Variants in COPB1 observed in about 807,000 individuals in gnomAD.
COPB1 encodes the protein coat protein complex I subunit beta 1.
COPB1 carries 21 observed loss-of-function variants against 108.7 expected under a neutral mutation model. The observed-to-expected ratio is 0.19, with a 90% confidence interval of 0.14 to 0.28. COPB1 has a LOEUF of 0.28. Among genes scored for constraint, COPB1 ranks in the 10% least tolerant of loss-of-function variants. COPB1 has a pLI of 1.00. For missense variants in COPB1, 919 were observed against 1,141.3 expected, an observed-to-expected ratio of 0.81 and a Z score of 2.81; for synonymous variants, 378 against 386.8, an observed-to-expected ratio of 0.98 and a Z score of 0.27.
intron 20 of COPB1, 76 bp from the exon 21 acceptor site, chr11:14,458,763 C>CTTTT (rs34021860): frequency 1.8e-5 from 14 of 796,116 alleles, no homozygotes; most frequent in African/African-American, 4.1e-5. Context: ...GCATAGGTGA[C>CTTTT]TTTTTTTTTT....
Position 14,473,840 on chromosome 11 carries a change from TA to T in COPB1, c.1737+654del, listed in dbSNP as rs60686212. ...GGGTTCCCACAAACCTTCATTTGTTTAAAAAAAAAAAAAAAAGCAATATGTG... is the reference window on the plus strand; with the variant it reads ...GGGTTCCCACAAACCTTCATTTGTTTAAAAAAAAAAAAAAAGCAATATGTG... On this transcript the variant is annotated intron_variant, in intron 14 of 21. Transcript: ENST00000439561. 7.8e-3 allele frequency among the ~76,000 whole-genome samples: 1,086 copies of T among 138,366 alleles called. 4 individuals are homozygous for T. Among genetic ancestry groups the T allele is most frequent in the African/African-American group, 0.018 (649 of 36,814 alleles). 90.8% of individuals were successfully genotyped at this position (138,366 alleles called of 152,430 possible).
chr11:14,476,904 T>G lies in COPB1; in HGVS notation c.1455+15A>C, dbSNP rs527872533. On this transcript the variant is annotated intron_variant, in intron 12 of 21. Transcript: ENST00000439561. ...AATTACCATATAAACTAACATTTAC[T>G]AAAGTAAAACATACCTCTCCAAGGG... 6.5e-7 allele frequency: 1 copy of G among 1,533,964 alleles called. No individual in the cohort carries two copies. Among genetic ancestry groups the G allele is most frequent in the East Asian group, 2.3e-5 (1 of 44,352 alleles).
intron 13 of COPB1, 56 bp downstream of exon 13, chr11:14,475,729 T>C: frequency 7.1e-7 from 1 of 1,417,328 alleles, no homozygotes; most frequent in Non-Finnish European, 9.3e-7. Context: ...CTGTCTTACA[T>C]ACAAGAGTAA....
chr11:14,493,403 A>G (rs1255265309), intron 4 of COPB1, among the ~76,000 whole-genome samples: 2 of 152,236 alleles, frequency 1.3e-5, no homozygotes, highest in African/African-American at 4.8e-5. Context: ...TGTAAAGTAT[A>G]TAACTTATTT....
chr11:14,479,522 G>GAT (rs1385610724), intron 11 of COPB1, 47 bp downstream of exon 11: 1 of 1,542,732 alleles, frequency 6.5e-7, no homozygotes, highest in Admixed American at 2.0e-5. Flanking sequence ...GATAAAAACT[G>GAT]ATAAAATGCT....
Position 14,480,990 on chromosome 11 carries a change from C to T in COPB1, c.1065G>A (p.Glu355=). 1 of 1,613,708 alleles carries T rather than the reference C, an allele frequency of 6.2e-7. No individual in the cohort carries two copies. Among genetic ancestry groups the T allele is most frequent in the Non-Finnish European group, 8.5e-7 (1 of 1,179,780 alleles). Residue 355 remains glutamate, a splice_region_variant and synonymous_variant, in exon 9 of 22, where the codon GAG becomes GAA. Transcript: ENST00000439561. ...AAGTGCTGTCAGAGTTTCCTTTTAC[C>T]TCTTCAACATTTCTAGAAGAGACAA... is the stretch of plus-strand genomic sequence containing the variant. The part of the protein sequence containing the change: ...LDLVSSRNVE[E]LVIVLKKEVI...
chr11:14,484,031 G>A (rs1565020761), intron 7 of COPB1, among the ~76,000 whole-genome samples: 1 of 152,094 alleles, frequency 6.6e-6, no homozygotes, highest in Non-Finnish European at 1.5e-5. Flanking sequence ...TGTACTCCTT[G>A]GTAAGATACA....
intron 13 of COPB1, 74 bp downstream of exon 13, chr11:14,475,711 T>G: frequency 7.5e-7 from 1 of 1,334,318 alleles, no homozygotes; most frequent in Non-Finnish European, 9.8e-7. Flanking sequence ...AGGAAAGAAA[T>G]CATTTGACTG....
chr11:14,468,999 CT>C (rs945942045), intron 15 of COPB1, 139 bp from the exon 16 acceptor site: 10 of 743,530 alleles, frequency 1.3e-5, no homozygotes, highest in South Asian at 3.7e-5. Flanking sequence ...CTTTTCTTTT[CT>C]TTTTTTTCTT....
At chr11:14,492,988 A>G (rs1475950555) in intron 4 of COPB1, among the ~76,000 whole-genome samples, 2 of 152,072 alleles carry the variant, frequency 1.3e-5, no homozygotes, top group Non-Finnish European at 2.9e-5. Flanking sequence ...TCTACTAAAA[A>G]TACAAAAATT....
At position 14,462,508 on chromosome 11, in the gene COPB1, A is replaced by C. The variant is rs1416779898; in HGVS notation, c.2411-1177T>G. 2.0e-5 allele frequency among the ~76,000 whole-genome samples: 3 copies of C among 152,154 alleles called. No individual in the cohort carries two copies. In the East Asian group the frequency reaches 5.8e-4, roughly 29 times the overall value. ...TGGCCTCCCAAAGTGCTGGGATTACAGGCATGAGCCACTGTGCCCGGCCTC... is the reference window on the plus strand; with the variant it reads ...TGGCCTCCCAAAGTGCTGGGATTACCGGCATGAGCCACTGTGCCCGGCCTC... On this transcript the variant is annotated intron_variant, in intron 18 of 21. Coordinates refer to ENST00000439561, the MANE Select transcript of COPB1 (RefSeq NM_001144061.2).
chr11:14,458,621 C>T lies in COPB1; in HGVS notation c.2713G>A (p.Ala905Thr). The T allele has an allele frequency of 2.5e-6, 4 of 1,613,932 alleles. No homozygotes were observed. Residue 905 changes from alanine to threonine, a missense_variant, in exon 21 of 22, where the codon GCA (alanine) becomes ACA (threonine). Coordinates refer to ENST00000439561, the MANE Select transcript of COPB1 (RefSeq NM_001144061.2). ...LYARSIFGEDALANVSIEKPI... is the reference protein window; with the variant it reads ...LYARSIFGEDTLANVSIEKPI... ...TTCTCAATGCTGACATTTGCAAGTG[C>T]ATCTTCACCAAATATGGAACGAGCA...
intron 7 of COPB1, among the ~76,000 whole-genome samples, chr11:14,485,267 CCA>C (rs1463331657): frequency 6.6e-6 from 1 of 152,114 alleles, no homozygotes; most frequent in Admixed American, 6.5e-5. Context: ...AACGATCATC[CCA>C]CCTTGGCCTC....
intron 11 of COPB1, 61 bp downstream of exon 11, chr11:14,479,508 T>TA: frequency 6.7e-7 from 1 of 1,499,434 alleles, no homozygotes; most frequent in South Asian, 1.3e-5. Flanking sequence ...ACTGACCCTT[T>TA]AAAGATAAAA....
chr11:14,457,763 T>TG lies in COPB1; in HGVS notation c.*60dup. 1 of 1,017,116 alleles carries TG rather than the reference T, an allele frequency of 9.8e-7. No individual in the cohort carries two copies. The highest frequency in any genetic ancestry group is 1.6e-6 in the Non-Finnish European group (1 of 642,284). The allele number at this position is 1,017,116 out of a possible 1,614,324, so 63.0% of individuals were successfully genotyped here. ...AAGCATGAAAGAGTACAAAAGATGT[T>TG]GGAGTCCAGTAAGCCCATACCTAAA... On this transcript the variant is annotated 3_prime_UTR_variant, in exon 22 of 22. Transcript: ENST00000439561.
At chr11:14,497,768 C>T (rs996756199) in intron 2 of COPB1, among the ~76,000 whole-genome samples, 10 of 152,128 alleles carry the variant, frequency 6.6e-5, no homozygotes, top group African/African-American at 2.4e-4. Flanking sequence ...CTGTTTACAA[C>T]AGTCAAAACT....
chr11:14,493,436 G>A (rs1021205132), intron 4 of COPB1, among the ~76,000 whole-genome samples: 2 of 152,226 alleles, frequency 1.3e-5, no homozygotes, highest in African/African-American at 2.4e-5. Flanking sequence ...TGTTATACAA[G>A]TTCAGCAGAA....
At chr11:14,467,144 A>T (rs1328825595) in intron 16 of COPB1, among the ~76,000 whole-genome samples, 4 of 152,176 alleles carry the variant, frequency 2.6e-5, no homozygotes, top group Non-Finnish European at 5.9e-5. Flanking sequence ...CATGTATCTG[A>T]TAAGGGGGTT....
intron 8 of COPB1, among the ~76,000 whole-genome samples, chr11:14,482,470 G>A (rs899700822): frequency 2.6e-5 from 4 of 152,106 alleles, no homozygotes; most frequent in African/African-American, 9.6e-5. Context: ...TGTCACTGTC[G>A]CTAAGAATAG....
Sources: allele counts gnomAD v4.1 joint callset (sites outside exome capture counted in the v4.1 genomes callset), GRCh38; gene constraint gnomAD v4.1.1; transcripts MANE v1.5; gene names NCBI Gene and HGNC (gene_info 2026-07-23, HGNC 2026-07-21).